TRAPPC10: variants seen among roughly 807,000 people sequenced by gnomAD.
The protein encoded by TRAPPC10 is trafficking protein particle complex subunit 10, also known as TRAPP 130 kDa subunit.
Under a neutral mutation model 125.5 loss-of-function variants are expected in TRAPPC10, and 23 were observed. The ratio of observed to expected loss-of-function variants is 0.18; its 90% confidence interval spans 0.13 to 0.26. TRAPPC10 has a LOEUF of 0.26. TRAPPC10 is among the 10% of genes least tolerant of loss of function. The pLI is 1.00. For synonymous variants in TRAPPC10, 509 were observed against 518.0 expected (o/e 0.98, Z 0.24); for missense variants, 1,123 against 1,308.4 (o/e 0.86, Z 2.19).
rs1028909254 is a variant in TRAPPC10 at position 44,061,358 on chromosome 21, C to T, written c.790+2144C>T. Among the ~76,000 whole-genome samples the T allele has an allele frequency of 2.0e-4, 31 of 152,076 alleles. 1 individual carries two copies. Among genetic ancestry groups the T allele is most frequent in the African/African-American group, 6.8e-4 (28 of 41,420 alleles). ...GTTTCACCGTGTTAGCCAGGATGGT[C>T]TCGATCTCCTCGTGATCTGCCCACC... is the stretch of plus-strand genomic sequence containing the variant. On this transcript the variant is annotated intron_variant, in intron 6 of 22. Coordinates refer to ENST00000291574, the MANE Select transcript of TRAPPC10 (RefSeq NM_003274.5).
rs1432986149 is a variant in TRAPPC10, at chr21:44,074,313, C to T, written c.1039-11C>T. ...AGCACCCCTCACACGTTCGCATTTGCACCCCCACAGGTCTCTGTCCCACCT... is the reference window on the plus strand; with the variant it reads ...AGCACCCCTCACACGTTCGCATTTGTACCCCCACAGGTCTCTGTCCCACCT... On this transcript the variant is annotated splice_polypyrimidine_tract_variant and intron_variant, in intron 7 of 22. Transcript: ENST00000291574. 1.2e-6 allele frequency: 2 copies of T among 1,613,562 alleles called. No homozygotes were observed. The highest frequency in any genetic ancestry group is 1.3e-5 in the African/African-American group (1 of 75,036).
At chr21:44,051,371 G>C (rs1402458166) in intron 3 of TRAPPC10, among the ~76,000 whole-genome samples, 1 of 152,190 alleles carries the variant, frequency 6.6e-6, no homozygotes, top group African/African-American at 2.4e-5. Context: ...ACTGTGTCCA[G>C]ATATTGTCAG....
At chr21:44,016,551 A>C (rs1463335662) in intron 1 of TRAPPC10, among the ~76,000 whole-genome samples, 1 of 152,228 alleles carries the variant, frequency 6.6e-6, no homozygotes, top group African/African-American at 2.4e-5. Flanking sequence ...CAGGTCTGAT[A>C]TTAGAAACTT....
intron 18 of TRAPPC10, 117 bp downstream of exon 18, chr21:44,090,050 C>A: frequency 1.5e-6 from 1 of 685,966 alleles, no homozygotes. Flanking sequence ...TATGTGACCA[C>A]AAGGCCATTG....
intron 2 of TRAPPC10, among the ~76,000 whole-genome samples, chr21:44,033,988 CAA>C (rs2033789323): frequency 2.0e-5 from 3 of 152,068 alleles, no homozygotes; most frequent in Admixed American, 1.3e-4. Flanking sequence ...ATGGACCAAA[CAA>C]ATGCTAAACA....
rs548021411 is a variant in TRAPPC10, at chr21:44,063,015, A to G, written c.791-523A>G. On this transcript the variant is annotated intron_variant, in intron 6 of 22. Transcript: ENST00000291574. This position sits in a 1 kb window ranked among gnomAD's most constrained non-coding sequence, Gnocchi z 4.4. ...ACAAGCAGTAATTCTTTTTCCTTCT[A>G]TGTGCTGCTACCAAGTCCTCCCTGT... is the stretch of plus-strand genomic sequence containing the variant. 164 of 1,303,902 alleles carry G rather than the reference A, an allele frequency of 1.3e-4. 1 individual carries two copies. Among genetic ancestry groups the G allele is most frequent in the South Asian group, 1.5e-4 (12 of 81,000 alleles). The allele number at this position is 1,303,902 out of a possible 1,614,324, so 80.8% of individuals were successfully genotyped here. A position where few individuals can be genotyped will look rare whatever the true frequency, so the allele number is the denominator to read the frequency against.
At chr21:44,094,802 G>A (rs2038816014) in intron 20 of TRAPPC10, among the ~76,000 whole-genome samples, 1 of 152,176 alleles carries the variant, frequency 6.6e-6, no homozygotes, top group Non-Finnish European at 1.5e-5. Context: ...TTGCAATTTT[G>A]TGATACTTTC....
rs150599082 is a variant in TRAPPC10 at position 44,028,913 on chromosome 21, A to G, written c.68-3178A>G. Among the ~76,000 whole-genome samples the G allele has an allele frequency of 3.0e-3, 450 of 152,282 alleles. 8 individuals are homozygous for G. Among genetic ancestry groups the G allele is most frequent in the Admixed American group, 0.028 (428 of 15,296 alleles). On this transcript the variant is annotated intron_variant, in intron 1 of 22. Transcript: ENST00000291574. ...GCCCGTGGGATTAAAATGAAAATTT[A>G]GCCTGGAACGTGCTCTGCCTCGCAG... is the stretch of plus-strand genomic sequence containing the variant.
chr21:44,021,058 T>A (rs1371019280), intron 1 of TRAPPC10, among the ~76,000 whole-genome samples: 1 of 152,262 alleles, frequency 6.6e-6, no homozygotes, highest in African/African-American at 2.4e-5. Context: ...TTTAGCATTC[T>A]AAGAATTGAG....
chr21:44,073,036 T>C (rs1266381460), intron 7 of TRAPPC10, among the ~76,000 whole-genome samples: 1 of 152,238 alleles, frequency 6.6e-6, no homozygotes, highest in African/African-American at 2.4e-5. Context: ...TTTCTGTGCC[T>C]TCCCTCAGTG....
At chr21:44,074,155 T>A (rs551939356) in intron 7 of TRAPPC10, among the ~76,000 whole-genome samples, 169 bp from the exon 8 acceptor site, 7 of 152,336 alleles carry the variant, frequency 4.6e-5, no homozygotes, top group Non-Finnish European at 1.0e-4. Flanking sequence ...GTGATTAGTG[T>A]TCTTTGCCCC....
At chr21:44,037,739 C>T in intron 2 of TRAPPC10, 53 bp from the exon 3 acceptor site, 1 of 1,579,720 alleles carries the variant, frequency 6.3e-7, no homozygotes, top group Admixed American at 1.8e-5. Flanking sequence ...TTCCCCTCTT[C>T]TGATGAATGC....
intron 5 of TRAPPC10, among the ~76,000 whole-genome samples, chr21:44,056,458 A>G (rs2035599871): frequency 6.6e-6 from 1 of 152,174 alleles, no homozygotes; most frequent in Non-Finnish European, 1.5e-5. Context: ...AGGGAGCAGT[A>G]GCCACTCCAC....
chr21:44,084,138 C>T lies in TRAPPC10; in HGVS notation c.2255C>T (p.Thr752Met), dbSNP rs374272156. The T allele has an allele frequency of 9.0e-5, 145 of 1,614,044 alleles. 2 individuals are homozygous for T. In the Middle Eastern group the frequency reaches 3.0e-3, roughly 33 times the overall value. The change falls in exon 15 of 23, where the codon ACG (threonine) becomes ATG (methionine). Residue 752 changes from threonine (T) to methionine (M), a missense_variant. By Grantham distance (81) the Thr-to-Met change is moderately conservative. This residue lies in a region of TRAPPC10 where 840 missense variants were observed against 902.0 expected (regional missense o/e 0.93). Coordinates refer to ENST00000291574, the MANE Select transcript of TRAPPC10 (RefSeq NM_003274.5). ...TFRTQAKEPG[T>M]YTLRQLCASV... The stretch of plus-strand genomic sequence containing the variant: ...TGACTCTAGGCCAAGGAACCTGGAA[C>T]GTATACACTCAGGCAGCTGTGCGCC...
chr21:44,014,610 G>T (rs1286544658), intron 1 of TRAPPC10, among the ~76,000 whole-genome samples: 11 of 127,300 alleles, frequency 8.6e-5, no homozygotes, highest in South Asian at 2.5e-4. Flanking sequence ...TTTTTTTTCA[G>T]TAGAGACAGA....
intron 3 of TRAPPC10, among the ~76,000 whole-genome samples, chr21:44,045,258 A>T (rs367849121): frequency 1.1e-3 from 165 of 152,206 alleles, no homozygotes; most frequent in African/African-American, 3.8e-3. Flanking sequence ...TCCTTTGTGC[A>T]GATCCAGGTT....
chr21:44,083,310 T>G lies in TRAPPC10; in HGVS notation c.2238+8T>G. 1 of 1,609,806 alleles carries G rather than the reference T, an allele frequency of 6.2e-7. No homozygotes were observed. Among genetic ancestry groups the G allele is most frequent in the Non-Finnish European group, 8.5e-7 (1 of 1,177,334 alleles). Reference sequence around the variant, plus strand: ...ATAACATTCAGGACTCAGGTATGCGTTCAGGGTGGGAACTTGACTTTCAAG... The same window carrying G: ...ATAACATTCAGGACTCAGGTATGCGGTCAGGGTGGGAACTTGACTTTCAAG... On this transcript the variant is annotated splice_region_variant and intron_variant, in intron 14 of 22. Transcript: ENST00000291574.
intron 1 of TRAPPC10, among the ~76,000 whole-genome samples, chr21:44,030,107 T>C (rs559779151): frequency 6.6e-6 from 1 of 152,350 alleles, no homozygotes; most frequent in South Asian, 2.1e-4. Context: ...CGAGTCTTAC[T>C]GTACGGCAGG....
intron 4 of TRAPPC10, among the ~76,000 whole-genome samples, chr21:44,053,848 C>T (rs1244403161): frequency 6.6e-6 from 1 of 152,174 alleles, no homozygotes; most frequent in Admixed American, 6.5e-5. Context: ...TTGTTTTGGG[C>T]TCTCCTTTTC....
Sources: allele counts gnomAD v4.1 joint callset (sites outside exome capture counted in the v4.1 genomes callset), GRCh38; gene constraint gnomAD v4.1.1; regional missense constraint gnomAD v4.1.1; non-coding constraint Gnocchi (gnomAD v3.1); transcripts MANE v1.5; gene names NCBI Gene and HGNC (gene_info 2026-07-23, HGNC 2026-07-21).